KIF6: variants seen among roughly 807,000 people sequenced by gnomAD.
KIF6 encodes kinesin-like protein KIF6.
In KIF6, 106 loss-of-function variants were observed where a neutral mutation model predicts 112.7. The observed-to-expected ratio is 0.94, with a 90% confidence interval of 0.80 to 1.11. The LOEUF (loss-of-function observed/expected upper bound fraction) is 1.11. Ranked by LOEUF, KIF6 falls within the 50% of genes least tolerant of loss-of-function variation. The pLI, the probability that KIF6 is intolerant of heterozygous loss-of-function variation, is 0.00. For missense variants in KIF6, 929 were observed against 964.0 expected (o/e 0.96, Z 0.48); for synonymous variants, 339 against 339.9 (o/e 1.00, Z 0.03).
At chr6:39,707,129 A>G (rs774637594) in intron 3 of KIF6, among the ~76,000 whole-genome samples, 2 of 152,222 alleles carry the variant, frequency 1.3e-5, no homozygotes, top group African/African-American at 4.8e-5. Context: ...CCGTTTTCTC[A>G]CATGTGTAGA....
intron 16 of KIF6, among the ~76,000 whole-genome samples, chr6:39,381,641 C>T (rs529367571): frequency 1.5e-4 from 23 of 152,294 alleles, no homozygotes; most frequent in African/African-American, 5.1e-4. Flanking sequence ...ATCTGAAATG[C>T]GGCCACCTGG....
intron 10 of KIF6, among the ~76,000 whole-genome samples, chr6:39,566,348 G>A (rs1482070051): frequency 6.6e-6 from 1 of 152,048 alleles, no homozygotes. Context: ...TTATGCATCA[G>A]CTCTTTTTAT....
intron 3 of KIF6, among the ~76,000 whole-genome samples, chr6:39,694,102 T>C (rs982239341): frequency 4.2e-5 from 6 of 141,442 alleles, no homozygotes; most frequent in African/African-American, 1.5e-4. Context: ...AAGCATCCAA[T>C]AAAATCCAAC....
intron 22 of KIF6, among the ~76,000 whole-genome samples, chr6:39,339,736 G>C (rs1763217268): frequency 6.6e-6 from 1 of 152,204 alleles, no homozygotes; most frequent in African/African-American, 2.4e-5. Flanking sequence ...GCCCCTTACG[G>C]GTGTTATATA....
At position 39,343,527 on chromosome 6, in the gene KIF6, G is replaced by A. The variant is rs1763465271; in HGVS notation, c.2428+182C>T. On this transcript the variant is annotated intron_variant, in intron 22 of 22. Coordinates refer to ENST00000287152, the MANE Select transcript of KIF6 (RefSeq NM_145027.6). This position sits in a 1 kb window ranked among gnomAD's most constrained non-coding sequence, Gnocchi z 4.1. ...GGCCTGTCTTGGTGTTTCTGATGCT[G>A]CCCCTTGAGGCTTTCTCGAGAAGGA... 2.8e-6 allele frequency: 4 copies of A among 1,416,964 alleles called. No homozygotes were observed. The highest frequency in any genetic ancestry group is 2.6e-5 in the East Asian group (1 of 39,010). 87.8% of individuals were successfully genotyped at this position (1,416,964 alleles called of 1,614,324 possible).
chr6:39,602,399 T>C (rs1782628795), intron 6 of KIF6, among the ~76,000 whole-genome samples: 1 of 152,166 alleles, frequency 6.6e-6, no homozygotes, highest in Non-Finnish European at 1.5e-5. Context: ...TGAAGTTCCA[T>C]TCATCTGAAA....
intron 15 of KIF6, among the ~76,000 whole-genome samples, chr6:39,389,734 A>T (rs1358645961): frequency 6.6e-6 from 1 of 152,162 alleles, no homozygotes; most frequent in African/African-American, 2.4e-5. Context: ...ATTCTAGAAA[A>T]TAATTACAAA....
At chr6:39,552,122 A>C (rs1043947046) in intron 10 of KIF6, among the ~76,000 whole-genome samples, 2 of 152,314 alleles carry the variant, frequency 1.3e-5, no homozygotes, top group South Asian at 4.1e-4. Flanking sequence ...TTGACACAAG[A>C]ATACATACAC....
chr6:39,376,048 C>T (rs1012140205), intron 16 of KIF6, among the ~76,000 whole-genome samples: 5 of 152,140 alleles, frequency 3.3e-5, no homozygotes, highest in South Asian at 2.1e-4. Context: ...CATGGAAATT[C>T]GGCTAAGGAC....
chr6:39,646,390 T>C (rs1208542209), intron 3 of KIF6, among the ~76,000 whole-genome samples: 1 of 152,078 alleles, frequency 6.6e-6, no homozygotes, highest in Non-Finnish European at 1.5e-5. Context: ...TCTAACTACA[T>C]TTTGTCCACC....
chr6:39,462,341 C>T (rs2150425034), intron 13 of KIF6, among the ~76,000 whole-genome samples: 1 of 152,240 alleles, frequency 6.6e-6, no homozygotes, highest in Admixed American at 6.5e-5. Flanking sequence ...ATCTTATCAC[C>T]ATGAGGCAAA....
intron 2 of KIF6, among the ~76,000 whole-genome samples, chr6:39,716,367 C>T (rs1180203523): frequency 2.0e-5 from 3 of 152,214 alleles, no homozygotes; most frequent in Non-Finnish European, 4.4e-5. Flanking sequence ...GAAACACAAG[C>T]AATCCAGATC....
chr6:39,353,880 G>A (rs558853563), intron 19 of KIF6: 1 of 554,586 alleles, frequency 1.8e-6, no homozygotes, highest in Non-Finnish European at 3.3e-6. Flanking sequence ...TATGCTGTGT[G>A]CCAGTTCCTA....
intron 13 of KIF6, among the ~76,000 whole-genome samples, chr6:39,477,484 C>T (rs757113107): frequency 9.9e-5 from 15 of 151,916 alleles, no homozygotes; most frequent in East Asian, 1.9e-4. Flanking sequence ...TAGTGATAAA[C>T]GATAAGGGGC....
At chr6:39,569,990 A>C (rs1780554408) in intron 10 of KIF6, among the ~76,000 whole-genome samples, 1 of 152,254 alleles carries the variant, frequency 6.6e-6, no homozygotes, top group South Asian at 2.1e-4. Context: ...CGAGCATTTA[A>C]GACTCTTCCT....
intron 5 of KIF6, among the ~76,000 whole-genome samples, chr6:39,613,831 G>A (rs1274749202): frequency 6.6e-6 from 1 of 152,018 alleles, no homozygotes; most frequent in African/African-American, 2.4e-5. Flanking sequence ...CCCCTATTGA[G>A]TTTTCTCATC....
intron 3 of KIF6, among the ~76,000 whole-genome samples, chr6:39,697,245 C>T (rs1788596477): frequency 6.6e-6 from 1 of 152,070 alleles, no homozygotes; most frequent in Admixed American, 6.6e-5. Context: ...CAGAGTGCTC[C>T]ATGCCTCTAG....
chr6:39,676,372 G>A (rs1787140807), intron 3 of KIF6, among the ~76,000 whole-genome samples: 1 of 152,036 alleles, frequency 6.6e-6, no homozygotes, highest in Non-Finnish European at 1.5e-5. Flanking sequence ...TCCACACCCA[G>A]CTAATATGTA....
chr6:39,686,059 C>T (rs535276399), intron 3 of KIF6, among the ~76,000 whole-genome samples: 8 of 152,040 alleles, frequency 5.3e-5, no homozygotes, highest in Admixed American at 2.0e-4. Flanking sequence ...CATCTCTGTA[C>T]GTAAATATAT....
Sources: allele counts gnomAD v4.1 joint callset (sites outside exome capture counted in the v4.1 genomes callset), GRCh38; gene constraint gnomAD v4.1.1; non-coding constraint Gnocchi (gnomAD v3.1); transcripts MANE v1.5; gene names NCBI Gene and HGNC (gene_info 2026-07-23, HGNC 2026-07-21).